KDM1A: variants seen among roughly 807,000 people sequenced by gnomAD.
KDM1A encodes lysine-specific histone demethylase 1A.
A neutral mutation model predicts 109.4 loss-of-function variants in KDM1A; 49 were observed. The ratio of observed to expected loss-of-function variants is 0.45; its 90% CI spans 0.36 to 0.57. The LOEUF (loss-of-function observed/expected upper bound fraction) is 0.57. KDM1A is among the 20% of genes least tolerant of loss of function. The probability of loss-of-function intolerance (pLI) is 0.00; values close to 1 mark genes in which losing one functional copy is unlikely to be tolerated. For missense variants in KDM1A, 668 were observed against 1,116.6 expected, an observed-to-expected ratio of 0.60 and a Z score of 5.73; for synonymous variants, 380 against 415.4, an observed-to-expected ratio of 0.91 and a Z score of 1.04.
chr1:23,079,556 G>A lies in KDM1A; in HGVS notation c.2059G>A (p.Val687Met). 6.2e-7 allele frequency: 1 copy of A among 1,612,758 alleles called. No homozygotes were observed. ...ATGTGCTTCTTTCTTATGGTAGGTGGTGTTGTGTTTTGATCGGGTGTTCTG... is the reference window on the plus strand; with the variant it reads ...ATGTGCTTCTTTCTTATGGTAGGTGATGTTGTGTTTTGATCGGGTGTTCTG... ...RMGFGNLNKV[V>M]LCFDRVFWDP... Residue 687 changes from valine to methionine, a missense_variant, in exon 18 of 21, where the codon GTG becomes ATG. Val to Met is a conservative substitution (Grantham distance 21). Transcript: ENST00000400181. The surrounding 1 kb of genome is among the most constrained non-coding windows in gnomAD (Gnocchi z 5.6).
intron 6 of KDM1A, 48 bp downstream of exon 6, chr1:23,055,209 G>T (rs554502733): frequency 2.8e-6 from 3 of 1,078,230 alleles, no homozygotes; most frequent in Non-Finnish European, 4.2e-6. Flanking sequence ...TTAAGTTACG[G>T]TTTCAGGACT....
At chr1:23,061,474 T>G (rs1642999157) in intron 9 of KDM1A, among the ~76,000 whole-genome samples, 1 of 152,200 alleles carries the variant, frequency 6.6e-6, no homozygotes, top group Non-Finnish European at 1.5e-5. Context: ...ACATTTGTAT[T>G]TGGTGCAGTA....
At chr1:23,077,126 T>A in intron 15 of KDM1A, 102 bp from the exon 16 acceptor site, 1 of 1,110,974 alleles carries the variant, frequency 9.0e-7, no homozygotes, top group Non-Finnish European at 1.3e-6. Flanking sequence ...AAATATTGAC[T>A]GTTTCCACAA....
intron 15 of KDM1A, 74 bp downstream of exon 15, chr1:23,073,477 A>G (rs957981096): frequency 1.2e-6 from 1 of 845,646 alleles, no homozygotes; most frequent in East Asian, 2.4e-5. Context: ...TTAATTTTGT[A>G]TGTGTGTTTT....
chr1:23,047,920 A>AC (rs1642548789), intron 3 of KDM1A, among the ~76,000 whole-genome samples: 1 of 151,918 alleles, frequency 6.6e-6, no homozygotes, highest in African/African-American at 2.4e-5. Flanking sequence ...AAAAAAAAAA[A>AC]ACATCTGTAG....
chr1:23,057,422 A>G (rs1642863428), intron 7 of KDM1A, 62 bp from the exon 8 acceptor site: 1 of 1,213,658 alleles, frequency 8.2e-7, no homozygotes. Context: ...GTGGTATGGT[A>G]CTATGCCAGG....
At chr1:23,034,850 T>C (rs930169474) in intron 2 of KDM1A, among the ~76,000 whole-genome samples, 2 of 152,212 alleles carry the variant, frequency 1.3e-5, no homozygotes, top group African/African-American at 4.8e-5. Flanking sequence ...AAGATGCCTT[T>C]CTTAAGCCTT....
At chr1:23,063,195 T>TGG (rs1557569306) in intron 9 of KDM1A, among the ~76,000 whole-genome samples, 1 of 14,758 alleles carries the variant, frequency 6.8e-5, no homozygotes, top group Non-Finnish European at 1.8e-4. Context: ...TGCTGTAGCA[T>TGG]TGGGGGGGGG....
chr1:23,078,817 T>C, intron 16 of KDM1A, 173 bp from the exon 17 acceptor site: 1 of 635,978 alleles, frequency 1.6e-6, no homozygotes, highest in East Asian at 2.7e-5. Context: ...GTGTGTAGCC[T>C]TAGATGAGTT....
chr1:23,033,474 A>G (rs946550010), intron 2 of KDM1A, among the ~76,000 whole-genome samples: 21 of 152,232 alleles, frequency 1.4e-4, no homozygotes, highest in African/African-American at 4.8e-4. Context: ...GTGATCTGAG[A>G]TTGTGCCACT....
chr1:23,077,101 C>T (rs535192093), intron 15 of KDM1A, 127 bp from the exon 16 acceptor site: 3 of 834,280 alleles, frequency 3.6e-6, no homozygotes, highest in South Asian at 2.4e-5. Flanking sequence ...GTGATTTGTT[C>T]TTTAGTTTGC....
At chr1:23,072,286 C>CT in intron 14 of KDM1A, 89 bp downstream of exon 14, 2 of 928,438 alleles carry the variant, frequency 2.2e-6, no homozygotes, top group Non-Finnish European at 3.4e-6. Flanking sequence ...TCATAATGAG[C>CT]TTTTATTTAT....
At position 23,083,345 on chromosome 1, in the gene KDM1A, A is replaced by T. The variant is rs1383418001; in HGVS notation, c.2612A>T (p.Gln871Leu). The stretch of plus-strand genomic sequence containing the variant: ...CAGGCCACACCAGGTGTTCCTGCAC[A>T]GCAGTCCCCAAGCATGTGAGACAGA... Reference protein sequence around the residue: ...PRQATPGVPAQQSPSM With the variant: ...PRQATPGVPALQSPSM Residue 871 changes from glutamine to leucine, a missense_variant, in exon 21 of 21, where the codon CAG (glutamine) becomes CTG (leucine). Gln to Leu is a moderately radical substitution (Grantham distance 113). Transcript: ENST00000400181. 6.2e-7 allele frequency: 1 copy of T among 1,613,410 alleles called. No individual in the cohort carries two copies. Among genetic ancestry groups the T allele is most frequent in the Admixed American group, 1.7e-5 (1 of 59,940 alleles).
At chr1:23,044,196 G>A (rs1642435830) in intron 2 of KDM1A, 1 of 454,426 alleles carries the variant, frequency 2.2e-6, no homozygotes, top group Middle Eastern at 5.0e-4. Flanking sequence ...TATGTACTTT[G>A]TTCCACTGCC....
chr1:23,078,172 A>G (rs917391610), intron 16 of KDM1A, among the ~76,000 whole-genome samples: 4 of 152,152 alleles, frequency 2.6e-5, no homozygotes, highest in Admixed American at 2.0e-4. Context: ...TTTTTTACTA[A>G]CAATCAGTGA....
chr1:23,082,231 T>A lies in KDM1A; in HGVS notation c.2310T>A (p.Thr770=), dbSNP rs746721830. The change falls in exon 20 of 21, where the codon ACT becomes ACA. Residue 770 remains threonine, a synonymous_variant. Transcript: ENST00000400181. ...GSSAVPQPKE[T]VVSRWRADPW... The stretch of plus-strand genomic sequence containing the variant: ...GGTTTTTCTTTTAGCCCAAAGAAAC[T>A]GTGGTGTCTCGTTGGCGTGCTGATC... 2.3e-5 allele frequency: 37 copies of A among 1,613,520 alleles called. No individual in the cohort carries two copies. In the Admixed American group the frequency reaches 6.0e-4, roughly 26 times the overall value.
chr1:23,059,158 C>T lies in KDM1A; in HGVS notation c.1158C>T (p.Asn386=), dbSNP rs761995647. The change falls in exon 9 of 21, where the codon AAC becomes AAT. Residue 386 remains asparagine, a synonymous_variant. Coordinates refer to ENST00000400181, the MANE Select transcript of KDM1A (RefSeq NM_001009999.3). ...IKQKCPLYEA[N]GQADTVKVPK... Reference sequence around the variant, plus strand: ...AAAAATGCCCACTTTATGAAGCCAACGGACAAGCTGTAAGTCGAGGACAAA... The same window carrying T: ...AAAAATGCCCACTTTATGAAGCCAATGGACAAGCTGTAAGTCGAGGACAAA... The T allele has an allele frequency of 3.5e-5, 56 of 1,610,686 alleles. No individual in the cohort carries two copies. Among genetic ancestry groups the T allele is most frequent in the South Asian group, 9.9e-5 (9 of 90,708 alleles).
At chr1:23,044,952 G>T (rs1392930241) in intron 3 of KDM1A, among the ~76,000 whole-genome samples, 3 of 152,138 alleles carry the variant, frequency 2.0e-5, no homozygotes, top group African/African-American at 7.2e-5. Flanking sequence ...TTGTTACAGG[G>T]TATTGGGTAC....
At chr1:23,036,444 G>GCCCCCCCCCCCCCCCCCCCCCCCCCCCCC (rs5773033) in intron 2 of KDM1A, among the ~76,000 whole-genome samples, 15 of 121,702 alleles carry the variant, frequency 1.2e-4, no homozygotes, top group Admixed American at 4.5e-4. Flanking sequence ...TTCTTGCCAC[G>GCCCCCCCCCCCCCCCCCCCCCCCCCCCCC]CCCCCCCCCT....
Sources: allele counts gnomAD v4.1 joint callset (sites outside exome capture counted in the v4.1 genomes callset), GRCh38; gene constraint gnomAD v4.1.1; non-coding constraint Gnocchi (gnomAD v3.1); transcripts MANE v1.5; gene names NCBI Gene and HGNC (gene_info 2026-07-23, HGNC 2026-07-21).